Variants in TSGA10IP observed in about 807,000 individuals in gnomAD.
TSGA10IP encodes testis specific 10 interacting protein, also known as testis-specific protein 10-interacting protein.
A neutral mutation model predicts 63.2 loss-of-function variants in TSGA10IP; 64 were observed. The observed-to-expected ratio is 1.01, with a 90% CI of 0.83 to 1.25. TSGA10IP has a LOEUF of 1.25. Among genes scored for constraint, TSGA10IP ranks in the 50% most tolerant of loss-of-function variants. The pLI, the probability that TSGA10IP is intolerant of heterozygous loss-of-function variation, is 0.00. For missense variants in TSGA10IP, 681 were observed against 710.1 expected (o/e 0.96, Z 0.47); for synonymous variants, 316 against 298.3 (o/e 1.06, Z -0.61).
At position 65,953,993 on chromosome 11, in the gene TSGA10IP, A is replaced by C. The variant is rs539753978; in HGVS notation, c.1322+256A>C. ...TTCTACATGTATGATCACACTTTCA[A>C]ATCTTCATTTTCTGATTTCCAATGC... On this transcript the variant is annotated intron_variant, in intron 5 of 7. Transcript: ENST00000532620. Among the ~76,000 whole-genome samples, 18 of 152,276 alleles carry C rather than the reference A, an allele frequency of 1.2e-4. No individual in the cohort carries two copies. In the South Asian group the frequency reaches 3.3e-3, roughly 28 times the overall value.
At chr11:65,956,514 T>G (rs934870540) in intron 5 of TSGA10IP, among the ~76,000 whole-genome samples, 1 of 151,956 alleles carries the variant, frequency 6.6e-6, no homozygotes, top group African/African-American at 2.4e-5. Flanking sequence ...TTTGGGGGAC[T>G]GCTTGGGCCA....
chr11:65,954,920 C>T (rs1311085310), intron 5 of TSGA10IP, among the ~76,000 whole-genome samples: 1 of 151,992 alleles, frequency 6.6e-6, no homozygotes, highest in East Asian at 1.9e-4. Flanking sequence ...TATACCTAGT[C>T]ACAAAATACT....
At chr11:65,955,634 G>A (rs1216885706) in intron 5 of TSGA10IP, among the ~76,000 whole-genome samples, 1 of 151,826 alleles carries the variant, frequency 6.6e-6, no homozygotes, top group Admixed American at 6.6e-5. Context: ...AAAGAGTTAG[G>A]TGCTGATGCA....
At chr11:65,946,755 T>A (rs890376302) in intron 1 of TSGA10IP, 125 bp from the exon 2 acceptor site, 4 of 1,108,094 alleles carry the variant, frequency 3.6e-6, no homozygotes, top group Non-Finnish European at 5.1e-6. Flanking sequence ...GTTTTTATGG[T>A]AACGAGGGCC....
intron 1 of TSGA10IP, 69 bp downstream of exon 1, chr11:65,945,891 G>A (rs1295007195): frequency 1.3e-6 from 2 of 1,560,466 alleles, no homozygotes; most frequent in African/African-American, 1.4e-5. Context: ...CCTGGGCTGG[G>A]GAGGCCCTTG....
rs1380591251 is a variant in TSGA10IP at position 65,953,738 on chromosome 11, G to A, written c.1322+1G>A. 8.6e-6 allele frequency: 13 copies of A among 1,515,810 alleles called. No individual in the cohort carries two copies. Among genetic ancestry groups the A allele is most frequent in the African/African-American group, 1.4e-5 (1 of 70,440 alleles). 93.9% of individuals were successfully genotyped at this position (1,515,810 alleles called of 1,614,324 possible). A position where few individuals can be genotyped will look rare whatever the true frequency, so the allele number is the denominator to read the frequency against. ...CCCAGCGCAAGCTGGAGGAGCTGAG[G>A]TAGGGAGCCTGGGCTTCGGGAGGCC... On this transcript the variant is annotated splice_donor_variant, in intron 5 of 7. Transcript: ENST00000532620. LOFTEE classifies it high-confidence loss of function.
intron 5 of TSGA10IP, among the ~76,000 whole-genome samples, chr11:65,956,628 A>G (rs1317807916): frequency 1.3e-5 from 2 of 151,988 alleles, no homozygotes; most frequent in African/African-American, 2.4e-5. Flanking sequence ...CCCGGGCTCA[A>G]GCAATTCTCC....
chr11:65,952,787 A>G (rs1325083776), intron 4 of TSGA10IP, among the ~76,000 whole-genome samples: 1 of 151,878 alleles, frequency 6.6e-6, no homozygotes, highest in Non-Finnish European at 1.5e-5. Flanking sequence ...ATCAGCCCCA[A>G]AGTGCTGGGG....
intron 6 of TSGA10IP, 103 bp from the exon 7 acceptor site, chr11:65,959,087 G>A: frequency 6.4e-7 from 1 of 1,564,828 alleles, no homozygotes; most frequent in Non-Finnish European, 8.7e-7. Flanking sequence ...GGATCCCAGG[G>A]CTGCTGCCCT....
At chr11:65,945,783 G>T in exon 1 of TSGA10IP, 1 of 1,613,986 alleles carries the variant, frequency 6.2e-7, no homozygotes, top group African/African-American at 1.3e-5. Flanking sequence ...CCAGAACGGG[G>T]CTGCTCAAGC....
At chr11:65,955,300 A>G (rs1263935820) in intron 5 of TSGA10IP, among the ~76,000 whole-genome samples, 1 of 151,928 alleles carries the variant, frequency 6.6e-6, no homozygotes, top group African/African-American at 2.4e-5. Context: ...AAGACTGCTT[A>G]TCTTGCAAAA....
intron 4 of TSGA10IP, among the ~76,000 whole-genome samples, chr11:65,953,364 A>G (rs1261816139): frequency 1.3e-5 from 2 of 152,142 alleles, no homozygotes; most frequent in African/African-American, 4.8e-5. Context: ...GAGTAGGGAA[A>G]GGCCTTGAGC....
chr11:65,952,638 T>C (rs978510291), intron 4 of TSGA10IP, among the ~76,000 whole-genome samples: 4 of 151,778 alleles, frequency 2.6e-5, no homozygotes, highest in African/African-American at 9.7e-5. Flanking sequence ...TCAGTACAGA[T>C]GGGGTTTAAG....
intron 5 of TSGA10IP, among the ~76,000 whole-genome samples, chr11:65,955,538 G>A (rs1459690457): frequency 2.6e-5 from 4 of 152,086 alleles, no homozygotes; most frequent in South Asian, 2.1e-4. Context: ...ACTTGAACCC[G>A]GGAGGCGGAG....
intron 4 of TSGA10IP, among the ~76,000 whole-genome samples, chr11:65,948,573 G>T (rs1854887803): frequency 6.6e-6 from 1 of 152,212 alleles, no homozygotes; most frequent in African/African-American, 2.4e-5. Flanking sequence ...CTACTCAGGA[G>T]GCTGAGGTAG....
intron 5 of TSGA10IP, among the ~76,000 whole-genome samples, chr11:65,957,881 T>A (rs1855052198): frequency 6.6e-6 from 1 of 152,226 alleles, no homozygotes; most frequent in Admixed American, 6.5e-5. Flanking sequence ...CTCTTGCTGC[T>A]AGAGTGCTCT....
chr11:65,947,901 G>A (rs1854872333), intron 3 of TSGA10IP, 73 bp downstream of exon 3: 2 of 1,507,806 alleles, frequency 1.3e-6, no homozygotes, highest in East Asian at 2.5e-5. Context: ...CAGGGAGGCA[G>A]GGGCTCAGGC....
At chr11:65,956,206 C>T (rs1440584216) in intron 5 of TSGA10IP, among the ~76,000 whole-genome samples, 4 of 150,240 alleles carry the variant, frequency 2.7e-5, no homozygotes, top group Middle Eastern at 6.9e-3. Flanking sequence ...GGCGCGATCT[C>T]GGCTCACCGC....
At chr11:65,954,384 C>T (rs1854991978) in intron 5 of TSGA10IP, among the ~76,000 whole-genome samples, 1 of 151,304 alleles carries the variant, frequency 6.6e-6, no homozygotes, top group Admixed American at 6.6e-5. Context: ...CCGTGTTAGC[C>T]AGGATAGTCT....
Sources: gnomAD v4.1 joint callset for allele counts (sites outside exome capture counted in the v4.1 genomes callset) on GRCh38, gnomAD v4.1.1 for gene constraint, MANE v1.5 for transcripts, NCBI Gene and HGNC (gene_info 2026-07-23, HGNC 2026-07-21) for gene names.